SCRN1: variants seen among roughly 807,000 people sequenced by gnomAD.
SCRN1 encodes the protein secernin 1.
SCRN1 carries 19 observed loss-of-function variants against 43.3 expected under a neutral mutation model. The observed-to-expected ratio is 0.44, with a 90% CI of 0.31 to 0.64. SCRN1 has a LOEUF of 0.64. Among genes scored for constraint, SCRN1 ranks in the 30% least tolerant of loss-of-function variants. The pLI, the probability that SCRN1 is intolerant of heterozygous loss-of-function variation, is 0.09. For synonymous variants in SCRN1, 183 were observed against 188.9 expected, an observed-to-expected ratio of 0.97 and a Z score of 0.26; for missense variants, 447 against 524.1, an observed-to-expected ratio of 0.85 and a Z score of 1.44.
Position 29,968,772 on chromosome 7 carries a change from A to G in SCRN1, c.159+137T>C, listed in dbSNP as rs369168454. On this transcript the variant is annotated intron_variant, in intron 2 of 7. Transcript: ENST00000242059. ...TTTTCAAGGCTATGAGCAAACCTGC[A>G]TGGAAACAGGAATCAGCAGAACTGA... 407 of 1,067,246 alleles carry G rather than the reference A, an allele frequency of 3.8e-4. No homozygotes were observed. The African/African-American group carries it at 5.7e-3, about 15-fold the overall frequency. 66.1% of individuals were successfully genotyped at this position (1,067,246 alleles called of 1,614,324 possible). A position where few individuals can be genotyped will look rare whatever the true frequency, so the allele number is the denominator to read the frequency against.
chr7:29,924,298 G>A (rs996506722), intron 7 of SCRN1, among the ~76,000 whole-genome samples, 183 bp from the exon 8 acceptor site: 1 of 152,148 alleles, frequency 6.6e-6, no homozygotes, highest in African/African-American at 2.4e-5. Context: ...GTCACTGCCC[G>A]GCTTAGAACA....
intron 6 of SCRN1, among the ~76,000 whole-genome samples, chr7:29,926,862 G>C (rs186771502): frequency 2.4e-4 from 37 of 152,226 alleles, no homozygotes; most frequent in African/African-American, 8.9e-4. Context: ...TTACAGCAAA[G>C]AGACATCAAA....
intron 1 of SCRN1, among the ~76,000 whole-genome samples, chr7:29,971,712 C>T (rs995125289): frequency 6.6e-6 from 1 of 151,884 alleles, no homozygotes; most frequent in African/African-American, 2.4e-5. Context: ...TTAAGCAAAC[C>T]AATCAAAATC....
intron 4 of SCRN1, among the ~76,000 whole-genome samples, chr7:29,941,481 A>G (rs376158887): frequency 1.2e-4 from 18 of 152,346 alleles, no homozygotes; most frequent in African/African-American, 4.3e-4. Flanking sequence ...GGCAATGACA[A>G]CAAATTGTTT....
At chr7:29,951,021 T>G (rs963797750) in intron 3 of SCRN1, among the ~76,000 whole-genome samples, 7 of 152,220 alleles carry the variant, frequency 4.6e-5, no homozygotes, top group Admixed American at 4.6e-4. Context: ...CCCCCACCAT[T>G]TGCAAAATTG....
At chr7:29,937,033 G>T (rs1463271326) in intron 5 of SCRN1, among the ~76,000 whole-genome samples, 1 of 152,074 alleles carries the variant, frequency 6.6e-6, no homozygotes, top group Non-Finnish European at 1.5e-5. Context: ...GCGACAGAGC[G>T]AGACTCTGTC....
chr7:29,956,300 G>A (rs1255722590), intron 2 of SCRN1, among the ~76,000 whole-genome samples: 2 of 152,110 alleles, frequency 1.3e-5, no homozygotes, highest in Admixed American at 1.3e-4. Context: ...TGTGACCCAC[G>A]GCAGAGGAAC....
At chr7:29,963,325 G>T (rs1218348824) in intron 2 of SCRN1, among the ~76,000 whole-genome samples, 1 of 152,154 alleles carries the variant, frequency 6.6e-6, no homozygotes, top group African/African-American at 2.4e-5. Context: ...CATGCATAGA[G>T]GAGTATCAGG....
rs958456918 is a variant in SCRN1, at chr7:29,950,187, G to T, written c.341+4992C>A. On this transcript the variant is annotated intron_variant, in intron 3 of 7. Transcript: ENST00000242059. The surrounding 1 kb of genome is among the most constrained non-coding windows in gnomAD (Gnocchi z 4.5). ...TGGAAGTGCCTGCTTCCTGCTCCCT[G>T]ACCTCTTCCCGCTTCCCAGCACCTG... 2.0e-5 allele frequency among the ~76,000 whole-genome samples: 3 copies of T among 152,210 alleles called. No homozygotes were observed. Among genetic ancestry groups the T allele is most frequent in the Admixed American group, 2.0e-4 (3 of 15,288 alleles).
intron 2 of SCRN1, among the ~76,000 whole-genome samples, chr7:29,958,674 G>A (rs117599980): frequency 1.3e-3 from 198 of 152,342 alleles, no homozygotes; most frequent in Non-Finnish European, 1.9e-3. Context: ...GACGGTGCTG[G>A]TCTCACCTTT....
chr7:29,982,731 G>C (rs920603853), intron 1 of SCRN1, among the ~76,000 whole-genome samples: 7 of 148,366 alleles, frequency 4.7e-5, no homozygotes, highest in Admixed American at 1.4e-4. Flanking sequence ...GAAGTACTTT[G>C]CCCAGGGTTG....
Position 29,921,709 on chromosome 7 carries a change from A to G in SCRN1, c.*2248T>C, listed in dbSNP as rs969932474. The G allele has an allele frequency of 6.6e-6, 1 of 152,270 alleles. No homozygotes were observed. The highest frequency in any genetic ancestry group is 6.5e-5 in the Admixed American group (1 of 15,292). The allele number at this position is 152,270 out of a possible 1,614,324, so 9.4% of individuals were successfully genotyped here. ...GTTGCCTTCTTTAAGATGCTTGACC[A>G]AGGTCAATGTACCCTAACAGAAGTA... On this transcript the variant is annotated 3_prime_UTR_variant, in exon 8 of 8. Transcript: ENST00000242059.
chr7:29,978,628 A>T (rs1398486190), intron 1 of SCRN1, among the ~76,000 whole-genome samples: 1 of 152,170 alleles, frequency 6.6e-6, no homozygotes, highest in Non-Finnish European at 1.5e-5. Flanking sequence ...AACCCCCCAT[A>T]CACAACATCG....
At chr7:29,966,374 C>T (rs1252686505) in intron 2 of SCRN1, among the ~76,000 whole-genome samples, 2 of 152,160 alleles carry the variant, frequency 1.3e-5, no homozygotes, top group African/African-American at 2.4e-5. Flanking sequence ...AAGAAGGGCA[C>T]TTGGGATGGG....
At chr7:29,928,691 T>A (rs1364390947) in intron 6 of SCRN1, among the ~76,000 whole-genome samples, 1 of 151,820 alleles carries the variant, frequency 6.6e-6, no homozygotes. Flanking sequence ...TCCCTAGCCA[T>A]CATCAAAAGA....
At chr7:29,954,541 T>C (rs999963008) in intron 3 of SCRN1, among the ~76,000 whole-genome samples, 10 of 152,128 alleles carry the variant, frequency 6.6e-5, no homozygotes, top group Non-Finnish European at 1.0e-4. Flanking sequence ...ACCACTAATC[T>C]AACTTCCTGC....
At chr7:29,941,407 A>G (rs1234345507) in intron 4 of SCRN1, among the ~76,000 whole-genome samples, 3 of 152,234 alleles carry the variant, frequency 2.0e-5, no homozygotes, top group Admixed American at 1.3e-4. Context: ...TTTTTTTTAA[A>G]AAATACAAAT....
chr7:29,951,741 A>T (rs751455401), intron 3 of SCRN1, among the ~76,000 whole-genome samples: 1 of 151,896 alleles, frequency 6.6e-6, no homozygotes, highest in Non-Finnish European at 1.5e-5. Context: ...TTATAAAAAC[A>T]ATATTGCCTA....
chr7:29,955,502 G>T, intron 2 of SCRN1, 142 bp from the exon 3 acceptor site: 1 of 747,676 alleles, frequency 1.3e-6, no homozygotes, highest in Non-Finnish European at 2.1e-6. Context: ...TGATTTTTAA[G>T]TCTTCACAAT....
Sources: gnomAD v4.1 joint callset for allele counts (sites outside exome capture counted in the v4.1 genomes callset) on GRCh38, gnomAD v4.1.1 for gene constraint, Gnocchi (gnomAD v3.1) non-coding constraint, MANE v1.5 for transcripts, NCBI Gene and HGNC (gene_info 2026-07-23, HGNC 2026-07-21) for gene names.